Variants in HMMR observed in about 807,000 individuals in gnomAD.
HMMR encodes hyaluronan mediated motility receptor.
HMMR carries 108 observed loss-of-function variants against 101.0 expected under a neutral mutation model. The observed-to-expected ratio is 1.07, with a 90% CI of 0.92 to 1.25. HMMR has a LOEUF of 1.25. Among genes scored for constraint, HMMR ranks in the 50% most tolerant of loss-of-function variants. The pLI, the probability that HMMR is intolerant of heterozygous loss-of-function variation, is 0.00. For missense variants in HMMR, 813 were observed against 788.7 expected (o/e 1.03, Z -0.37); for synonymous variants, 296 against 276.4 (o/e 1.07, Z -0.70).
At position 163,482,715 on chromosome 5, in the gene HMMR, A is replaced by G; in HGVS notation, c.1459A>G (p.Lys487Glu). ...CTCATCATTACAGGAAAAAGCGGCCAAGGCTGGGAAAAATGCAGAGGATGT... is the reference window on the plus strand; with the variant it reads ...CTCATCATTACAGGAAAAAGCGGCCGAGGCTGGGAAAAATGCAGAGGATGT... ...ENSSLQEKAA[K>E]AGKNAEDVQH... is the part of the protein sequence containing the mutation. The change falls in exon 13 of 18, where the codon AAG becomes GAG. Residue 487 changes from lysine (K) to glutamate (E), a missense_variant. Physicochemically the swap from Lys to Glu is moderately conservative, Grantham distance 56. Coordinates refer to ENST00000393915, the MANE Select transcript of HMMR (RefSeq NM_001142556.2). 4 of 1,613,816 alleles carry G rather than the reference A, an allele frequency of 2.5e-6. No homozygotes were observed. Among genetic ancestry groups the G allele is most frequent in the Non-Finnish European group, 1.7e-6 (2 of 1,179,712 alleles).
intron 17 of HMMR, 82 bp downstream of exon 17, chr5:163,490,634 A>AT: frequency 9.3e-7 from 1 of 1,079,232 alleles, no homozygotes; most frequent in South Asian, 1.4e-5. Flanking sequence ...CCATTTTATG[A>AT]ACTGTGAAAA....
At position 163,483,382 on chromosome 5, in the gene HMMR, A is replaced by C; in HGVS notation, c.1785+15A>C. Reference sequence around the variant, plus strand: ...AACCTTTTCAGGTTTGTCAGTTAGGAGTAAACTTACTTGTGTTTATTTTAG... The same window carrying C: ...AACCTTTTCAGGTTTGTCAGTTAGGCGTAAACTTACTTGTGTTTATTTTAG... On this transcript the variant is annotated intron_variant, in intron 15 of 17. Transcript: ENST00000393915. The C allele has an allele frequency of 7.3e-7, 1 of 1,373,822 alleles. No homozygotes were observed. The highest frequency in any genetic ancestry group is 1.0e-6 in the Non-Finnish European group (1 of 971,196). The allele number at this position is 1,373,822 out of a possible 1,614,324, so 85.1% of individuals were successfully genotyped here. A position where few individuals can be genotyped will look rare whatever the true frequency, so the allele number is the denominator to read the frequency against.
intron 15 of HMMR, 68 bp from the exon 16 acceptor site, chr5:163,484,001 T>A (rs927568225): frequency 8.0e-6 from 7 of 880,342 alleles, no homozygotes; most frequent in Non-Finnish European, 1.3e-5. Context: ...TTAGTGTTTA[T>A]GGTTTATATG....
chr5:163,462,705 G>A (rs1758577428), intron 1 of HMMR, among the ~76,000 whole-genome samples: 1 of 151,834 alleles, frequency 6.6e-6, no homozygotes, highest in East Asian at 1.9e-4. Context: ...GTGGGAGCCT[G>A]TAATCCCAGC....
In HMMR at chr5:163,484,075, C is replaced by A; in HGVS notation, c.1792C>A (p.Leu598Ile). The A allele has an allele frequency of 1.3e-6, 2 of 1,582,718 alleles. No homozygotes were observed. Among genetic ancestry groups the A allele is most frequent in the Non-Finnish European group, 1.7e-6 (2 of 1,163,264 alleles). Residue 598 changes from leucine (L) to isoleucine (I), a missense_variant, in exon 16 of 18, where the codon CTA (leucine) becomes ATA (isoleucine). Coordinates refer to ENST00000393915, the MANE Select transcript of HMMR (RefSeq NM_001142556.2). ...TTTAAAAAATCTTTTTCAGCTACAA[C>A]TAGATGCTTTTGAAGTAGAAAAACA... ...YNKTKPFQLQ[L>I]DAFEVEKQAL...
intron 11 of HMMR, among the ~76,000 whole-genome samples, chr5:163,477,056 C>T (rs1759090479): frequency 6.6e-6 from 1 of 152,120 alleles, no homozygotes; most frequent in Non-Finnish European, 1.5e-5. Flanking sequence ...ACTGAAATCT[C>T]ACTTTTTTCC....
intron 12 of HMMR, among the ~76,000 whole-genome samples, chr5:163,480,311 A>G (rs1372614519): frequency 6.6e-6 from 1 of 152,200 alleles, no homozygotes; most frequent in African/African-American, 2.4e-5. Context: ...TTACCAAAAA[A>G]TGTCATCATA....
At chr5:163,462,362 CAA>C (rs199789414) in intron 1 of HMMR, among the ~76,000 whole-genome samples, 5 of 117,128 alleles carry the variant, frequency 4.3e-5, no homozygotes, top group Non-Finnish European at 7.3e-5. Flanking sequence ...GACTCTGTTT[CAA>C]AAAAAAAAAA....
intron 11 of HMMR, 92 bp downstream of exon 11, chr5:163,475,764 C>A: frequency 1.9e-6 from 1 of 519,894 alleles, no homozygotes; most frequent in Non-Finnish European, 3.4e-6. Flanking sequence ...ATCATGTGAG[C>A]GTGTTAGGTT....
rs1475774086 is a variant in HMMR, at chr5:163,474,165, A to G, written c.1013A>G (p.Gln338Arg). 1.7e-5 allele frequency: 28 copies of G among 1,609,226 alleles called. No homozygotes were observed. The highest frequency in any genetic ancestry group is 6.7e-5 in the African/African-American group (5 of 74,654). Residue 338 changes from glutamine (Q) to arginine (R), a missense_variant, in exon 10 of 18, where the codon CAA becomes CGA. Coordinates refer to ENST00000393915, the MANE Select transcript of HMMR (RefSeq NM_001142556.2). ...LEQQEREKLQ[Q>R]KELQIDSLLQ... ...CAACAGGAACGTGAAAAGCTTCAAC[A>G]AAAAGAATTACAAATTGATTCACTT... is the stretch of plus-strand genomic sequence containing the variant.
chr5:163,467,771 T>G, intron 4 of HMMR, 23 bp downstream of exon 4: 1 of 1,330,796 alleles, frequency 7.5e-7, no homozygotes, highest in South Asian at 1.2e-5. Context: ...TTAAACTTAG[T>G]GAAAAGTACA....
At chr5:163,475,083 T>C (rs1236675779) in intron 10 of HMMR, among the ~76,000 whole-genome samples, 1 of 152,118 alleles carries the variant, frequency 6.6e-6, no homozygotes, top group Non-Finnish European at 1.5e-5. Context: ...GATGTATTTG[T>C]ATATTGTATA....
At chr5:163,482,607 G>C (rs1759308372) in intron 12 of HMMR, 35 bp from the exon 13 acceptor site, 2 of 1,508,252 alleles carry the variant, frequency 1.3e-6, no homozygotes, top group East Asian at 2.3e-5. Flanking sequence ...GCAATAGTTA[G>C]AAAACTACTT....
At chr5:163,482,169 G>A (rs112103563) in intron 12 of HMMR, among the ~76,000 whole-genome samples, 20,114 of 151,972 alleles carry the variant, frequency 0.13, 1,469 homozygotes, top group African/African-American at 0.19. Flanking sequence ...CACCCGTCTC[G>A]GCCTCCCAGA....
chr5:163,484,948 A>T (rs544935981), intron 16 of HMMR, among the ~76,000 whole-genome samples: 2 of 152,280 alleles, frequency 1.3e-5, no homozygotes, highest in East Asian at 3.9e-4. Flanking sequence ...CATGGAGAGT[A>T]CTTTATTTTT....
chr5:163,471,972 T>C (rs1365273670), intron 7 of HMMR, among the ~76,000 whole-genome samples: 1 of 152,078 alleles, frequency 6.6e-6, no homozygotes, highest in African/African-American at 2.4e-5. Flanking sequence ...GCCTATGTCA[T>C]GTCCCCATCC....
At chr5:163,475,415 A>G in intron 10 of HMMR, 43 bp from the exon 11 acceptor site, 1 of 1,194,088 alleles carries the variant, frequency 8.4e-7, no homozygotes, top group Non-Finnish European at 1.2e-6. Context: ...CAACCTCACA[A>G]TGCCATTCCA....
rs764193433 is a variant in HMMR at position 163,490,523 on chromosome 5, A to G, written c.2096A>G (p.Asn699Ser). The G allele has an allele frequency of 1.6e-5, 25 of 1,603,062 alleles. No homozygotes were observed. In the Admixed American group the frequency reaches 3.5e-4, roughly 23 times the overall value. ...SKAFHHESKE[N>S]FALKTPLKEG... Reference sequence around the variant, plus strand: ...GCTTTTCATCATGAAAGTAAAGAAAATTTTGCCCTGAAGACCCCATTAAAA... The same window carrying G: ...GCTTTTCATCATGAAAGTAAAGAAAGTTTTGCCCTGAAGACCCCATTAAAA... Residue 699 changes from asparagine to serine, a missense_variant, in exon 17 of 18, where the codon AAT (asparagine) becomes AGT (serine). Asn to Ser is a conservative substitution (Grantham distance 46). Transcript: ENST00000393915.
At chr5:163,477,325 T>C (rs934573607) in intron 11 of HMMR, among the ~76,000 whole-genome samples, 4 of 152,234 alleles carry the variant, frequency 2.6e-5, no homozygotes, top group Non-Finnish European at 4.4e-5. Flanking sequence ...TGGGATCTGA[T>C]CATTAAAACA....
Sources: allele counts gnomAD v4.1 joint callset (sites outside exome capture counted in the v4.1 genomes callset), GRCh38; gene constraint gnomAD v4.1.1; transcripts MANE v1.5; gene names NCBI Gene and HGNC (gene_info 2026-07-23, HGNC 2026-07-21).